The following NR1H4 variants were observed in gnomAD, a reference collection of about 807,000 sequenced individuals.
The protein encoded by NR1H4 is bile acid receptor.
In NR1H4, 23 loss-of-function variants were observed where a neutral mutation model predicts 58.5. The observed-to-expected ratio is 0.39, with a 90% CI of 0.28 to 0.56. NR1H4 has a LOEUF of 0.56. Ranked by LOEUF, NR1H4 falls within the 20% of genes least tolerant of loss-of-function variation. The pLI is 0.58. For synonymous variants in NR1H4, 214 were observed against 198.0 expected, an observed-to-expected ratio of 1.08 and a Z score of -0.68; for missense variants, 487 against 576.9, an observed-to-expected ratio of 0.84 and a Z score of 1.60.
intron 3 of NR1H4, chr12:100,503,375 G>A (rs1209681221): frequency 6.3e-7 from 1 of 1,594,570 alleles, no homozygotes; most frequent in East Asian, 2.2e-5. Context: ...CAGTGGCTGT[G>A]AATAAGCTAA....
intron 3 of NR1H4, chr12:100,505,461 G>A: frequency 1.9e-6 from 1 of 534,628 alleles, no homozygotes; most frequent in Non-Finnish European, 3.3e-6. Context: ...CTACCATATT[G>A]GTAGGTACAG....
At chr12:100,535,174 T>C (rs775402789) in intron 6 of NR1H4, 151 bp downstream of exon 6, 19 of 879,326 alleles carry the variant, frequency 2.2e-5, no homozygotes, top group Non-Finnish European at 3.1e-5. Context: ...AATACATGCT[T>C]TGATGTAAAC....
At chr12:100,548,133 C>T (rs573589703) in intron 9 of NR1H4, among the ~76,000 whole-genome samples, 31 of 149,228 alleles carry the variant, frequency 2.1e-4, no homozygotes, top group South Asian at 2.1e-4. Flanking sequence ...TTTGGGAGGC[C>T]GAGGCGGGTG....
intron 5 of NR1H4, among the ~76,000 whole-genome samples, chr12:100,534,445 T>C (rs1190912334): frequency 2.0e-5 from 3 of 152,176 alleles, no homozygotes; most frequent in African/African-American, 7.2e-5. Context: ...ATGAAAATAA[T>C]ATTAATGGCA....
At chr12:100,514,098 G>C (rs774214239) in intron 4 of NR1H4, among the ~76,000 whole-genome samples, 4 of 152,146 alleles carry the variant, frequency 2.6e-5, no homozygotes, top group Non-Finnish European at 5.9e-5. Flanking sequence ...CCTAATTCAA[G>C]AATTAATTTT....
intron 9 of NR1H4, among the ~76,000 whole-genome samples, chr12:100,551,846 A>C (rs1191408213): frequency 6.6e-6 from 1 of 152,220 alleles, no homozygotes; most frequent in Non-Finnish European, 1.5e-5. Context: ...TTTGTATATA[A>C]CCTATGTACA....
intron 4 of NR1H4, among the ~76,000 whole-genome samples, chr12:100,527,054 C>T (rs773090977): frequency 1.1e-4 from 17 of 152,224 alleles, no homozygotes; most frequent in African/African-American, 1.7e-4. Flanking sequence ...ATCCTTTCAT[C>T]TTAATGCTCC....
intron 9 of NR1H4, among the ~76,000 whole-genome samples, chr12:100,549,555 G>T (rs1220860586): frequency 6.6e-5 from 10 of 152,088 alleles, no homozygotes; most frequent in Non-Finnish European, 1.3e-4. Context: ...AATGATGAGG[G>T]TCTTGCTGGT....
intron 4 of NR1H4, among the ~76,000 whole-genome samples, chr12:100,516,016 C>T (rs1442222575): frequency 1.3e-5 from 2 of 152,196 alleles, no homozygotes; most frequent in East Asian, 1.9e-4. Context: ...ACCAGCACTA[C>T]ATGCTAAAGT....
At chr12:100,496,333 T>C (rs940896247) in intron 3 of NR1H4, among the ~76,000 whole-genome samples, 2 of 152,136 alleles carry the variant, frequency 1.3e-5, no homozygotes, top group Non-Finnish European at 2.9e-5. Flanking sequence ...CCTGGAGTGA[T>C]GGGCTGCTCT....
intron 9 of NR1H4, among the ~76,000 whole-genome samples, chr12:100,542,908 G>A (rs188357928): frequency 1.3e-5 from 2 of 151,264 alleles, no homozygotes; most frequent in East Asian, 1.9e-4. Flanking sequence ...TTAAGGGCAA[G>A]GTACTATGGT....
intron 3 of NR1H4, chr12:100,503,624 G>C (rs777272110): frequency 2.3e-5 from 21 of 899,940 alleles, no homozygotes; most frequent in Non-Finnish European, 3.3e-5. Context: ...AGACCCAGAA[G>C]ACTGGAATGA....
chr12:100,514,359 A>C (rs974179991), intron 4 of NR1H4, among the ~76,000 whole-genome samples: 8 of 152,214 alleles, frequency 5.3e-5, no homozygotes, highest in Non-Finnish European at 8.8e-5. Context: ...TATAAATTTC[A>C]TAAGTTAAAA....
intron 7 of NR1H4, 107 bp downstream of exon 7, chr12:100,536,717 A>G: frequency 1.4e-6 from 1 of 734,648 alleles, no homozygotes; most frequent in Admixed American, 2.3e-5. Context: ...TGAAATGATT[A>G]GAGCTGAGAA....
intron 9 of NR1H4, among the ~76,000 whole-genome samples, chr12:100,558,349 CAAAAAAAAAAAAA>C (rs10617220): frequency 1.3e-4 from 10 of 79,960 alleles, no homozygotes; most frequent in African/African-American, 3.1e-4. Flanking sequence ...GATTCCATCT[CAAAAAAAAAAAAA>C]AAAAAAAAAA....
intron 10 of NR1H4, among the ~76,000 whole-genome samples, chr12:100,562,448 G>T (rs1377629082): frequency 6.6e-6 from 1 of 152,070 alleles, no homozygotes; most frequent in Non-Finnish European, 1.5e-5. Flanking sequence ...GGGTGGCATT[G>T]GAGCAGGGAT....
At chr12:100,497,104 G>T (rs1281602336) in intron 3 of NR1H4, among the ~76,000 whole-genome samples, 2 of 152,128 alleles carry the variant, frequency 1.3e-5, no homozygotes, top group South Asian at 2.1e-4. Flanking sequence ...TCCCTGGTGT[G>T]GGGGAGGCCA....
At chr12:100,485,972 T>G (rs1953482963) in intron 1 of NR1H4, among the ~76,000 whole-genome samples, 1 of 152,236 alleles carries the variant, frequency 6.6e-6, no homozygotes, top group Non-Finnish European at 1.5e-5. Context: ...TCCAATTTCT[T>G]ACCATTGGAA....
chr12:100,525,016 A>T (rs1010908082), intron 4 of NR1H4, among the ~76,000 whole-genome samples: 6 of 152,138 alleles, frequency 3.9e-5, no homozygotes, highest in Middle Eastern at 3.2e-3. Flanking sequence ...TTAAAGCTTA[A>T]ACTCATCAGT....
Sources: gnomAD v4.1 joint callset for allele counts (sites outside exome capture counted in the v4.1 genomes callset) on GRCh38, gnomAD v4.1.1 for gene constraint, MANE v1.5 for transcripts, NCBI Gene and HGNC (gene_info 2026-07-23, HGNC 2026-07-21) for gene names.